Variants in IPO5 observed in about 807,000 individuals in gnomAD.
The protein encoded by IPO5 is importin 5.
Under a neutral mutation model 143.3 loss-of-function variants are expected in IPO5, and 18 were observed. The observed-to-expected ratio is 0.13, with a 90% CI of 0.09 to 0.19. The LOEUF (loss-of-function observed/expected upper bound fraction) is 0.19, where lower values mean the gene tolerates loss of function less well. IPO5 is among the 10% of genes least tolerant of loss of function. IPO5 has a pLI of 1.00. For synonymous variants in IPO5, 477 were observed against 465.7 expected (o/e 1.02, Z -0.31); for missense variants, 1,013 against 1,336.9 (o/e 0.76, Z 3.78).
At position 97,982,535 on chromosome 13, in the gene IPO5, G is replaced by A. The variant is rs1188548073; in HGVS notation, c.123G>A (p.Lys41=). Residue 41 remains lysine (K), a synonymous_variant, in exon 5 of 29, where the codon AAG becomes AAA. Coordinates refer to ENST00000651721, the MANE Select transcript of IPO5 (RefSeq NM_002271.6). ...ETYENIPGQS[K]ITFLLQAIRN... ...ATGAGAATATCCCAGGCCAGTCAAA[G>A]ATCACATTCCTCTTACAAGCCATCA... is the stretch of plus-strand genomic sequence containing the variant. 6 of 1,612,790 alleles carry A rather than the reference G, an allele frequency of 3.7e-6. No individual in the cohort carries two copies. In the South Asian group the frequency reaches 6.6e-5, roughly 18 times the overall value.
chr13:97,985,529 C>T lies in IPO5; in HGVS notation c.280C>T (p.Leu94Phe), dbSNP rs780303902. ...DVQTAIKSELLMIIQMETQSS... is the reference protein window; with the variant it reads ...DVQTAIKSELFMIIQMETQSS... ...TCAGACTGCCATCAAGAGTGAGCTACTCATGATTATTCAGATGGAAACACA... is the reference window on the plus strand; with the variant it reads ...TCAGACTGCCATCAAGAGTGAGCTATTCATGATTATTCAGATGGAAACACA... The change falls in exon 6 of 29, where the codon CTC (leucine) becomes TTC (phenylalanine). Residue 94 changes from leucine to phenylalanine, a missense_variant. Leu to Phe is a conservative substitution (Grantham distance 22). This residue lies in a region of IPO5 where 328 missense variants were observed against 342.0 expected (regional missense o/e 0.96). Coordinates refer to ENST00000651721, the MANE Select transcript of IPO5 (RefSeq NM_002271.6). 6 of 1,613,818 alleles carry T rather than the reference C, an allele frequency of 3.7e-6. No homozygotes were observed. Among genetic ancestry groups the T allele is most frequent in the East Asian group, 2.2e-5 (1 of 44,882 alleles).
At chr13:97,977,295 G>C (rs1886457100) in intron 4 of IPO5, among the ~76,000 whole-genome samples, 1 of 152,156 alleles carries the variant, frequency 6.6e-6, no homozygotes, top group Non-Finnish European at 1.5e-5. Context: ...TTAAATATGT[G>C]CCCTGCCTTG....
chr13:98,010,273 A>G (rs377423280), intron 20 of IPO5, 49 bp downstream of exon 20: 11 of 1,529,152 alleles, frequency 7.2e-6, no homozygotes, highest in Non-Finnish European at 8.9e-6. Flanking sequence ...TCTTATATAC[A>G]TTTCATATGA....
chr13:98,003,889 G>A (rs1888998807), intron 16 of IPO5, among the ~76,000 whole-genome samples: 1 of 151,988 alleles, frequency 6.6e-6, no homozygotes, highest in Non-Finnish European at 1.5e-5. Flanking sequence ...AAAACATTGA[G>A]TATTCTAACC....
At chr13:97,972,997 G>A (rs1035425304) in intron 3 of IPO5, among the ~76,000 whole-genome samples, 6 of 150,748 alleles carry the variant, frequency 4.0e-5, no homozygotes, top group Non-Finnish European at 7.4e-5. Context: ...TAATCCTGCA[G>A]GCTGTTTTTA....
At chr13:98,020,506 C>T (rs1180720531) in intron 27 of IPO5, among the ~76,000 whole-genome samples, 1 of 152,194 alleles carries the variant, frequency 6.6e-6, no homozygotes, top group African/African-American at 2.4e-5. Flanking sequence ...AGGTCTTAAT[C>T]ATGCTATTTG....
intron 16 of IPO5, among the ~76,000 whole-genome samples, chr13:98,005,082 A>T (rs1440457212): frequency 1.3e-5 from 2 of 151,496 alleles, no homozygotes; most frequent in African/African-American, 4.8e-5. Context: ...TTTTGAGTGG[A>T]GACAGGGTTT....
intron 12 of IPO5, among the ~76,000 whole-genome samples, chr13:97,999,701 T>C (rs1185187889): frequency 2.6e-5 from 4 of 152,202 alleles, no homozygotes; most frequent in Admixed American, 6.5e-5. Flanking sequence ...CACATTCCTT[T>C]GGCTTTCAGA....
chr13:97,954,979 G>A (rs552864580), intron 2 of IPO5, among the ~76,000 whole-genome samples: 2 of 152,250 alleles, frequency 1.3e-5, no homozygotes, highest in African/African-American at 4.8e-5. Flanking sequence ...TATAATCCCA[G>A]CACTTTGGGA....
intron 14 of IPO5, 37 bp from the exon 15 acceptor site, chr13:98,002,647 C>G: frequency 6.2e-7 from 1 of 1,606,516 alleles, no homozygotes; most frequent in Non-Finnish European, 8.5e-7. Context: ...ATGTGGAAAC[C>G]TTCTTGCTTT....
In IPO5 at chr13:98,019,060, A is replaced by G. The variant is rs147104202; in HGVS notation, c.2836+356A>G. 1.9e-3 allele frequency among the ~76,000 whole-genome samples: 294 copies of G among 152,022 alleles called. 2 individuals are homozygous for G. The highest frequency in any genetic ancestry group is 6.8e-3 in the African/African-American group (282 of 41,438). On this transcript the variant is annotated intron_variant, in intron 26 of 28. Coordinates refer to ENST00000651721, the MANE Select transcript of IPO5 (RefSeq NM_002271.6). ...AACCTCCGCCTCCCGGGTTCGAGCAATTCTGCTTCAGCCTCCTGAGTAGCT... is the reference window on the plus strand; with the variant it reads ...AACCTCCGCCTCCCGGGTTCGAGCAGTTCTGCTTCAGCCTCCTGAGTAGCT...
Position 98,022,911 on chromosome 13 carries a change from A to G in IPO5, c.*1089A>G, listed in dbSNP as rs1420128671. The G allele has an allele frequency of 6.5e-6, 1 of 152,672 alleles. No homozygotes were observed. Among genetic ancestry groups the G allele is most frequent in the Non-Finnish European group, 1.5e-5 (1 of 68,044 alleles). 9.5% of individuals were successfully genotyped at this position (152,672 alleles called of 1,614,324 possible). ...GAATGTTTCTTTATGTATTAACCTC[A>G]TAGCAGTAAATGACTTGCTGTTGTT... On this transcript the variant is annotated 3_prime_UTR_variant, in exon 29 of 29. Transcript: ENST00000651721.
intron 2 of IPO5, among the ~76,000 whole-genome samples, chr13:97,957,069 A>G (rs1026936096): frequency 2.6e-5 from 4 of 152,208 alleles, no homozygotes; most frequent in African/African-American, 9.7e-5. Context: ...TTAAAAGGGT[A>G]GGGTTTATTA....
chr13:97,968,290 AC>A (rs2139538349), intron 2 of IPO5, among the ~76,000 whole-genome samples: 1 of 152,326 alleles, frequency 6.6e-6, no homozygotes, highest in Non-Finnish European at 1.5e-5. Context: ...AGCTTGTTTT[AC>A]AGCCTAACAT....
intron 12 of IPO5, among the ~76,000 whole-genome samples, chr13:97,997,948 G>A (rs193255496): frequency 4.8e-4 from 73 of 152,312 alleles, no homozygotes; most frequent in Non-Finnish European, 2.9e-4. Flanking sequence ...AAAAAAGTAT[G>A]ACATGAAAAC....
intron 20 of IPO5, among the ~76,000 whole-genome samples, chr13:98,011,280 T>G (rs1445421632): frequency 2.0e-5 from 3 of 150,602 alleles, no homozygotes; most frequent in Non-Finnish European, 4.4e-5. Flanking sequence ...GGGTTTTTTT[T>G]GTTTGTTTGT....
At chr13:97,967,880 C>T (rs992903960) in intron 2 of IPO5, among the ~76,000 whole-genome samples, 1 of 152,162 alleles carries the variant, frequency 6.6e-6, no homozygotes, top group Non-Finnish European at 1.5e-5. Flanking sequence ...ATCCGCCCAC[C>T]TCGGCCTCCC....
In IPO5 at chr13:97,982,712, A is replaced by C. The variant is rs1886957158; in HGVS notation, c.171+129A>C. 3 of 652,288 alleles carry C rather than the reference A, an allele frequency of 4.6e-6. 1 individual carries two copies. 40.4% of individuals were successfully genotyped at this position (652,288 alleles called of 1,614,324 possible). ...ACTTTACTAGAACTTTGTACTTATTATTTGCTAAAAGCTACTTAGGAGTTA... is the reference window on the plus strand; with the variant it reads ...ACTTTACTAGAACTTTGTACTTATTCTTTGCTAAAAGCTACTTAGGAGTTA... On this transcript the variant is annotated intron_variant, in intron 5 of 28. Transcript: ENST00000651721.
intron 12 of IPO5, among the ~76,000 whole-genome samples, chr13:97,998,632 A>T (rs772631396): frequency 1.3e-5 from 2 of 152,218 alleles, no homozygotes; most frequent in African/African-American, 4.8e-5. Context: ...AGTAGTAATG[A>T]TGGCCCCTTA....
Sources: allele counts gnomAD v4.1 joint callset (sites outside exome capture counted in the v4.1 genomes callset), GRCh38; gene constraint gnomAD v4.1.1; regional missense constraint gnomAD v4.1.1; transcripts MANE v1.5; gene names NCBI Gene and HGNC (gene_info 2026-07-23, HGNC 2026-07-21).